The following VWF variants were observed in gnomAD, a reference collection of about 807,000 sequenced individuals.
The protein encoded by VWF is von Willebrand factor, also known as Factor VIII related antigen.
A neutral mutation model predicts 308.6 loss-of-function variants in VWF; 176 were observed. The observed-to-expected ratio is 0.57, with a 90% CI of 0.50 to 0.65. The LOEUF (loss-of-function observed/expected upper bound fraction) is 0.65, where lower values mean the gene tolerates loss of function less well. Ranked by LOEUF, VWF falls within the 30% of genes least tolerant of loss-of-function variation. The probability of loss-of-function intolerance (pLI) is 0.00; values close to 1 mark genes in which losing one functional copy is unlikely to be tolerated. For missense variants in VWF, 3,146 were observed against 3,648.2 expected, an observed-to-expected ratio of 0.86 and a Z score of 3.55; for synonymous variants, 1,385 against 1,443.4, an observed-to-expected ratio of 0.96 and a Z score of 0.92.
At chr12:6,087,504 G>A (rs1032700341) in intron 6 of VWF, among the ~76,000 whole-genome samples, 13 of 147,092 alleles carry the variant, frequency 8.8e-5, no homozygotes, top group South Asian at 2.4e-4. Flanking sequence ...GACTACAGGC[G>A]CCCGCCACCA....
intron 47 of VWF, among the ~76,000 whole-genome samples, 189 bp downstream of exon 47, chr12:5,967,297 A>C (rs1943413707): frequency 6.6e-6 from 1 of 152,238 alleles, no homozygotes; most frequent in Non-Finnish European, 1.5e-5. Flanking sequence ...TAAAACTAAA[A>C]TTATAATTAT....
chr12:6,099,766 T>G (rs1200713200), intron 5 of VWF, among the ~76,000 whole-genome samples: 1 of 152,026 alleles, frequency 6.6e-6, no homozygotes, highest in Non-Finnish European at 1.5e-5. Context: ...GACTTAAACG[T>G]TAGACCTAAA....
At position 6,065,251 on chromosome 12, in the gene VWF, T is replaced by C. The variant is rs367960031; in HGVS notation, c.1179A>G (p.Gln393=). Reference sequence around the variant, plus strand: ...TGTTGTCAAAGCTCTTGAAGTGTGATTGACCTGTGACAAGGCACTCCCCTG... The same window carrying C: ...TGTTGTCAAAGCTCTTGAAGTGTGACTGACCTGTGACAAGGCACTCCCCTG... ...ECPGECLVTG[Q]SHFKSFDNRY... Residue 393 remains glutamine, a synonymous_variant, in exon 11 of 52, where the codon CAA becomes CAG. Coordinates refer to ENST00000261405, the MANE Select transcript of VWF (RefSeq NM_000552.5). 3.7e-5 allele frequency: 60 copies of C among 1,613,962 alleles called. No homozygotes were observed. The highest frequency in any genetic ancestry group is 4.7e-5 in the Non-Finnish European group (56 of 1,180,020).
intron 34 of VWF, among the ~76,000 whole-genome samples, chr12:5,998,677 C>T (rs1377719183): frequency 2.0e-5 from 3 of 151,270 alleles, no homozygotes; most frequent in South Asian, 2.1e-4. Flanking sequence ...AGCATGCTTT[C>T]AGCATAAGTA....
intron 3 of VWF, among the ~76,000 whole-genome samples, chr12:6,114,375 G>A (rs781498086): frequency 2.6e-5 from 4 of 152,212 alleles, no homozygotes; most frequent in Non-Finnish European, 4.4e-5. Flanking sequence ...AGAGCTGAGC[G>A]GGTGCCACAG....
chr12:6,111,704 A>G (rs768965693), intron 3 of VWF, among the ~76,000 whole-genome samples: 1 of 151,506 alleles, frequency 6.6e-6, no homozygotes, highest in Non-Finnish European at 1.5e-5. Context: ...TAATCCCAGC[A>G]CTTTGGGAGG....
intron 19 of VWF, among the ~76,000 whole-genome samples, chr12:6,035,863 T>C (rs1037296059): frequency 6.6e-6 from 1 of 152,204 alleles, no homozygotes; most frequent in African/African-American, 2.4e-5. Flanking sequence ...AGCACCAACA[T>C]GACACCACAT....
rs200097381 is a variant in VWF at position 6,073,699 on chromosome 12, G to A, written c.917C>T (p.Ser306Phe). The change falls in exon 8 of 52, where the codon TCC becomes TTC. Residue 306 changes from serine to phenylalanine, a missense_variant. Physicochemically the swap from Ser to Phe is radical, Grantham distance 155 (BLOSUM62 -2). This residue lies in a region of VWF where 1,304 missense variants were observed against 1,353.0 expected (regional missense o/e 0.96). Transcript: ENST00000261405. The stretch of plus-strand genomic sequence containing the variant: ...GCTCTGGCAGGTCCTGGCGCAAGGG[G>A]ACACACACTGCCTATACTCCATACC... ...PAGMEYRQCV[S>F]PCARTCQSLH... 1.2e-6 allele frequency: 2 copies of A among 1,614,052 alleles called. No individual in the cohort carries two copies. Among genetic ancestry groups the A allele is most frequent in the Non-Finnish European group, 8.5e-7 (1 of 1,180,034 alleles).
Position 5,985,046 on chromosome 12 carries a change from A to G in VWF, c.6975T>C (p.Cys2325=). 2 of 1,614,158 alleles carry G rather than the reference A, an allele frequency of 1.2e-6. No individual in the cohort carries two copies. Among genetic ancestry groups the G allele is most frequent in the Non-Finnish European group, 1.7e-6 (2 of 1,180,016 alleles). The change falls in exon 40 of 52, where the codon TGT becomes TGC. Residue 2325 remains cysteine, a splice_region_variant and synonymous_variant. Transcript: ENST00000261405. ...NADQCCPEYE[C]VCDPVSCDLP... is the part of the protein sequence containing the mutation. ...ACATCCCCCTGGTGGGACACATACC[A>G]CACTCATACTCGGGGCAGCACTGGT...
intron 22 of VWF, among the ~76,000 whole-genome samples, chr12:6,028,801 A>G (rs1243063612): frequency 6.6e-6 from 1 of 152,220 alleles, no homozygotes; most frequent in East Asian, 1.9e-4. Flanking sequence ...AGCCACTGCA[A>G]AAACATGCCA....
In VWF at chr12:6,073,678, T is replaced by G; in HGVS notation, c.938A>C (p.Gln313Pro). The G allele has an allele frequency of 6.2e-7, 1 of 1,614,110 alleles. No individual in the cohort carries two copies. The highest frequency in any genetic ancestry group is 2.2e-5 in the East Asian group (1 of 44,876). ...QCVSPCARTCQSLHINEMCQE... is the reference protein window; with the variant it reads ...QCVSPCARTCPSLHINEMCQE... ...ACACATTTCATTGATGTGCAGGCTCTGGCAGGTCCTGGCGCAAGGGGACAC... is the reference window on the plus strand; with the variant it reads ...ACACATTTCATTGATGTGCAGGCTCGGGCAGGTCCTGGCGCAAGGGGACAC... Residue 313 changes from glutamine (Q) to proline (P), a missense_variant, in exon 8 of 52, where the codon CAG (glutamine) becomes CCG (proline). By Grantham distance (76) the Gln-to-Pro change is moderately conservative. Around this residue, in one of 3 missense-constraint regions of VWF, gnomAD observed 1,304 missense variants for 1,353.0 expected, o/e 0.96. Coordinates refer to ENST00000261405, the MANE Select transcript of VWF (RefSeq NM_000552.5).
intron 6 of VWF, among the ~76,000 whole-genome samples, chr12:6,077,331 T>C (rs1338688467): frequency 6.6e-6 from 1 of 152,094 alleles, no homozygotes; most frequent in Non-Finnish European, 1.5e-5. Flanking sequence ...CAAGCCGGGT[T>C]CTCTCTGCAC....
Position 6,019,417 on chromosome 12 carries a change from C to T in VWF, c.4001G>A (p.Arg1334Gln), listed in dbSNP as rs775812331. The part of the protein sequence containing the change: ...GSHAYIGLKD[R>Q]KRPSELRRIA... ...GCGCCGCAGCTCTGACGGTCGCTTC[C>T]GGTCCTTGAGCCCGATGTAGGCGTG... The change falls in exon 28 of 52, where the codon CGG becomes CAG. Residue 1334 changes from arginine to glutamine, a missense_variant. This residue lies in a region of VWF where 853 missense variants were observed against 1,177.8 expected (regional missense o/e 0.72). Transcript: ENST00000261405. This position sits in a 1 kb window ranked among gnomAD's most constrained non-coding sequence, Gnocchi z 5.8. 10 of 1,613,834 alleles carry T rather than the reference C, an allele frequency of 6.2e-6. No homozygotes were observed. Among genetic ancestry groups the T allele is most frequent in the Admixed American group, 1.7e-5 (1 of 60,006 alleles).
chr12:5,996,175 G>C lies in VWF; in HGVS notation c.5890C>G (p.Gln1964Glu). The C allele has an allele frequency of 6.2e-7, 1 of 1,614,036 alleles. No homozygotes were observed. Among genetic ancestry groups the C allele is most frequent in the Middle Eastern group, 1.7e-4 (1 of 6,014 alleles). ...CAGCTGCCAGTCAGCTTGAAATTCT[G>C]CCCATCAAAGGTCACGATGTGCCGA... ...STRHIVTFDG[Q>E]NFKLTGSCSY... Residue 1964 changes from glutamine (Q) to glutamate (E), a missense_variant, in exon 35 of 52, where the codon CAG (glutamine) becomes GAG (glutamate). Physicochemically the swap from Gln to Glu is conservative, Grantham distance 29 (BLOSUM62 2). Coordinates refer to ENST00000261405, the MANE Select transcript of VWF (RefSeq NM_000552.5).
intron 20 of VWF, 149 bp downstream of exon 20, chr12:6,034,539 C>A: frequency 8.3e-7 from 1 of 1,204,140 alleles, no homozygotes. Context: ...CCGCTTCAGG[C>A]ACTTCTGTGA....
chr12:5,990,868 T>TAA (rs755717764), intron 38 of VWF, among the ~76,000 whole-genome samples: 348 of 31,356 alleles, frequency 0.011, 19 homozygotes, highest in Middle Eastern at 0.045. Flanking sequence ...CCCATAGAGC[T>TAA]AAAAAAAAAA....
In VWF at chr12:6,012,115, C is replaced by A; in HGVS notation, c.5636G>T (p.Cys1879Phe). 1 of 1,614,036 alleles carries A rather than the reference C, an allele frequency of 6.2e-7. No homozygotes were observed. ...HKLCSGFVRI[C>F]MDEDGNEKRP... Reference sequence around the variant, plus strand: ...CTTCTCATTCCCATCCTCATCCATGCAAATCCTAACAAATCCTGCAACAGA... The same window carrying A: ...CTTCTCATTCCCATCCTCATCCATGAAAATCCTAACAAATCCTGCAACAGA... Residue 1879 changes from cysteine (C) to phenylalanine (F), a missense_variant, in exon 33 of 52, where the codon TGC becomes TTC. Cys to Phe is a radical substitution (Grantham distance 205, BLOSUM62 -2). Around this residue, in one of 3 missense-constraint regions of VWF, gnomAD observed 853 missense variants for 1,177.8 expected, o/e 0.72. Transcript: ENST00000261405.
At chr12:6,089,580 C>A (rs1443368478) in intron 6 of VWF, among the ~76,000 whole-genome samples, 1 of 152,138 alleles carries the variant, frequency 6.6e-6, no homozygotes, top group African/African-American at 2.4e-5. Context: ...AGACAAACCT[C>A]CCAGTCTCCC....
rs374915955 is a variant in VWF at position 5,977,713 on chromosome 12, A to C, written c.7288-1453T>G. ...GATGAAACCTTGTCTCTACAAAAAC[A>C]TACAAAAATTAGCCGGATGTGGTGG... is the stretch of plus-strand genomic sequence containing the variant. On this transcript the variant is annotated intron_variant, in intron 42 of 51. Transcript: ENST00000261405. 9.9e-5 allele frequency among the ~76,000 whole-genome samples: 15 copies of C among 151,912 alleles called. No individual in the cohort carries two copies. In the East Asian group the frequency reaches 2.7e-3, roughly 27 times the overall value.
Sources: allele counts gnomAD v4.1 joint callset (sites outside exome capture counted in the v4.1 genomes callset), GRCh38; gene constraint gnomAD v4.1.1; regional missense constraint gnomAD v4.1.1; non-coding constraint Gnocchi (gnomAD v3.1); transcripts MANE v1.5; gene names NCBI Gene and HGNC (gene_info 2026-07-23, HGNC 2026-07-21).